The following SEMA3D variants were observed in gnomAD, a reference collection of about 807,000 sequenced individuals.
SEMA3D encodes the protein semaphorin 3D, also known as semaphorin-3D.
SEMA3D carries 84 observed loss-of-function variants against 100.1 expected under a neutral mutation model. That is an observed-to-expected ratio of 0.84 (90% CI 0.70 to 1.01). The LOEUF is 1.01. Ranked by LOEUF, SEMA3D falls within the 50% of genes least tolerant of loss-of-function variation. The pLI is 0.00. For synonymous variants in SEMA3D, 312 were observed against 320.7 expected, an observed-to-expected ratio of 0.97 and a Z score of 0.29; for missense variants, 875 against 934.1, an observed-to-expected ratio of 0.94 and a Z score of 0.82.
the SEMA3D span, among the ~76,000 whole-genome samples, chr7:85,197,519 T>C: frequency 1.3e-5 from 2 of 149,334 alleles, no homozygotes; most frequent in Non-Finnish European, 3.0e-5. Context: ...CAAACCAGTA[T>C]ATTTCTTAAA....
chr7:85,063,625 T>C (rs2240394), intron 8 of SEMA3D, among the ~76,000 whole-genome samples: 24,943 of 152,160 alleles, frequency 0.16, 2,305 homozygotes, highest in African/African-American at 0.25. Context: ...TCCACTACTT[T>C]TGTTGCTGTC....
At chr7:85,046,164 C>T (rs1363122991) in intron 9 of SEMA3D, among the ~76,000 whole-genome samples, 3 of 151,850 alleles carry the variant, frequency 2.0e-5, no homozygotes, top group African/African-American at 7.2e-5. Flanking sequence ...TAACGACATT[C>T]CTTTAATAGG....
the SEMA3D span, among the ~76,000 whole-genome samples, chr7:85,214,721 C>T: frequency 6.6e-6 from 1 of 152,080 alleles, no homozygotes; most frequent in Non-Finnish European, 1.5e-5. Context: ...GTCTCGAACT[C>T]CCAACCTCAG....
intron 12 of SEMA3D, among the ~76,000 whole-genome samples, chr7:85,030,605 C>T (rs888328265): frequency 2.6e-5 from 4 of 151,970 alleles, no homozygotes; most frequent in Non-Finnish European, 5.9e-5. Context: ...GTATTTTCTC[C>T]TCACCTTTTT....
chr7:85,115,065 T>C (rs1410098188), intron 3 of SEMA3D, among the ~76,000 whole-genome samples: 2 of 152,236 alleles, frequency 1.3e-5, no homozygotes, highest in East Asian at 3.8e-4. Context: ...TGTAATCTTC[T>C]TCAACTTCAT....
chr7:85,065,855 C>T (rs1228710138), intron 7 of SEMA3D, among the ~76,000 whole-genome samples: 1 of 152,084 alleles, frequency 6.6e-6, no homozygotes, highest in East Asian at 1.9e-4. Context: ...CTCTTCTCCC[C>T]ACAAATAATT....
At chr7:85,020,409 C>G (rs776697975) in intron 13 of SEMA3D, 88 bp from the exon 14 acceptor site, 1 of 834,182 alleles carries the variant, frequency 1.2e-6, no homozygotes. Context: ...AATCATTCCC[C>G]TCACTTCTCT....
upstream of SEMA3D, among the ~76,000 whole-genome samples, chr7:85,189,176 G>A (rs1050248804): frequency 1.3e-4 from 20 of 152,224 alleles, no homozygotes; most frequent in African/African-American, 2.4e-4. Context: ...TGTGATGAAT[G>A]GCCTCAGCTG....
intron 2 of SEMA3D, among the ~76,000 whole-genome samples, chr7:85,146,429 C>A (rs1790205974): frequency 6.6e-6 from 1 of 151,818 alleles, no homozygotes; most frequent in African/African-American, 2.4e-5. Flanking sequence ...GTGGCAGGAC[C>A]TGTAACCCCA....
chr7:85,112,013 C>T (rs1294531456), intron 3 of SEMA3D, among the ~76,000 whole-genome samples: 6 of 152,096 alleles, frequency 3.9e-5, no homozygotes, highest in Non-Finnish European at 1.5e-5. Flanking sequence ...ACATACCCAC[C>T]ACTACTGAGC....
intron 1 of SEMA3D, among the ~76,000 whole-genome samples, chr7:85,179,407 C>A (rs537065993): frequency 4.6e-5 from 7 of 152,280 alleles, no homozygotes; most frequent in African/African-American, 1.7e-4. Flanking sequence ...CTTGTATCAG[C>A]ATAACCTGGA....
At chr7:85,104,663 C>T (rs1216481950) in intron 3 of SEMA3D, among the ~76,000 whole-genome samples, 2 of 151,804 alleles carry the variant, frequency 1.3e-5, no homozygotes, top group Non-Finnish European at 2.9e-5. Flanking sequence ...CAGACTTCCT[C>T]AGTATTTGAG....
chr7:85,083,930 G>A (rs1363249766), intron 4 of SEMA3D, among the ~76,000 whole-genome samples: 1 of 151,014 alleles, frequency 6.6e-6, no homozygotes, highest in African/African-American at 2.4e-5. Context: ...GGCAGATCAC[G>A]AGGTCAGGAG....
In SEMA3D at chr7:85,061,089, A is replaced by G. The variant is rs187859515; in HGVS notation, c.718+4335T>C. Among the ~76,000 whole-genome samples, 14 of 152,304 alleles carry G rather than the reference A, an allele frequency of 9.2e-5. No homozygotes were observed. The East Asian group carries it at 2.7e-3, about 29-fold the overall frequency. On this transcript the variant is annotated intron_variant, in intron 8 of 18. Transcript: ENST00000284136. ...TGTTTTAAGATTAAGTTGATAAATC[A>G]AAGTGTGGAACCATCAAAGACTTCA... is the stretch of plus-strand genomic sequence containing the variant.
At position 85,117,279 on chromosome 7, in the gene SEMA3D, T is replaced by C. The variant is rs531072322; in HGVS notation, c.151+4462A>G. The stretch of plus-strand genomic sequence containing the variant: ...TGCTACAACTGCAGCTGTCGTCTGA[T>C]TACAACTCCATTAAAGAGTACAAAC... On this transcript the variant is annotated intron_variant, in intron 3 of 18. Coordinates refer to ENST00000284136, the MANE Select transcript of SEMA3D (RefSeq NM_001384900.1). 7.2e-5 allele frequency among the ~76,000 whole-genome samples: 11 copies of C among 152,260 alleles called. No homozygotes were observed. In the South Asian group the frequency reaches 2.3e-3, roughly 32 times the overall value.
chr7:85,224,518 A>T, the SEMA3D span, among the ~76,000 whole-genome samples: 1 of 152,130 alleles, frequency 6.6e-6, no homozygotes, highest in Non-Finnish European at 1.5e-5. Flanking sequence ...TAGGTAAAAA[A>T]AGTGAGGTCA....
At chr7:85,200,153 A>G in the SEMA3D span, among the ~76,000 whole-genome samples, 1 of 152,184 alleles carries the variant, frequency 6.6e-6, no homozygotes, top group Non-Finnish European at 1.5e-5. Context: ...GTAAGTTGCT[A>G]AAAGTAGAGT....
At chr7:85,050,173 C>A (rs142375110) in intron 9 of SEMA3D, among the ~76,000 whole-genome samples, 6 of 150,852 alleles carry the variant, frequency 4.0e-5, no homozygotes, top group Admixed American at 3.3e-4. Context: ...TTTGAAAGTA[C>A]TAACTTGCAA....
chr7:85,183,392 A>C (rs1206365565), intron 1 of SEMA3D, among the ~76,000 whole-genome samples: 1 of 152,204 alleles, frequency 6.6e-6, no homozygotes, highest in Non-Finnish European at 1.5e-5. Flanking sequence ...TTGGAAAAGA[A>C]AAATATGTGA....
Sources: gnomAD v4.1 joint callset for allele counts (sites outside exome capture counted in the v4.1 genomes callset) on GRCh38, gnomAD v4.1.1 for gene constraint, MANE v1.5 for transcripts, NCBI Gene and HGNC (gene_info 2026-07-23, HGNC 2026-07-21) for gene names.